The following ZBTB7C variants were observed in gnomAD, a reference collection of about 807,000 sequenced individuals.
The protein encoded by ZBTB7C is zinc finger and BTB domain containing 7C.
Under a neutral mutation model 25.7 loss-of-function variants are expected in ZBTB7C, and 8 were observed. That is an observed-to-expected ratio of 0.31 (90% CI 0.18 to 0.56). The LOEUF is 0.56. Ranked by LOEUF, ZBTB7C falls within the 20% of genes least tolerant of loss-of-function variation. The pLI is 0.91. For missense variants in ZBTB7C, 824 were observed against 855.2 expected (o/e 0.96, Z 0.46); for synonymous variants, 394 against 369.0 (o/e 1.07, Z -0.78).
chr18:48,300,463 C>T (rs60692582), intron 2 of ZBTB7C, among the ~76,000 whole-genome samples: 2,497 of 152,250 alleles, frequency 0.016, 65 homozygotes, highest in African/African-American at 0.056. Context: ...TCCGATTCCA[C>T]CCTCATTTTG....
At chr18:48,327,093 C>T (rs1448181015) in intron 2 of ZBTB7C, among the ~76,000 whole-genome samples, 3 of 152,178 alleles carry the variant, frequency 2.0e-5, no homozygotes, top group Admixed American at 1.3e-4. Flanking sequence ...GGGAACAGAG[C>T]ACAGAGAAAG....
At chr18:48,112,043 A>G (rs1429613339) in intron 3 of ZBTB7C, among the ~76,000 whole-genome samples, 1 of 152,168 alleles carries the variant, frequency 6.6e-6, no homozygotes, top group Non-Finnish European at 1.5e-5. Flanking sequence ...TAAAGTATGA[A>G]ATTGTACATT....
At chr18:48,229,913 T>A (rs2043206973) in intron 2 of ZBTB7C, among the ~76,000 whole-genome samples, 1 of 152,060 alleles carries the variant, frequency 6.6e-6, no homozygotes, top group South Asian at 2.1e-4. Context: ...CCCTGCAGGT[T>A]GTCTGGCAGG....
intron 3 of ZBTB7C, among the ~76,000 whole-genome samples, chr18:48,100,977 GCTC>G (rs760778020): frequency 6.6e-6 from 1 of 152,078 alleles, no homozygotes; most frequent in African/African-American, 2.4e-5. Context: ...GCTGTTCTGG[GCTC>G]CTCGTGCATC....
At chr18:48,336,514 G>C (rs2046460737) in intron 2 of ZBTB7C, among the ~76,000 whole-genome samples, 1 of 152,180 alleles carries the variant, frequency 6.6e-6, no homozygotes, top group Non-Finnish European at 1.5e-5. Flanking sequence ...CCAGAGGCCT[G>C]ACCAGGCTCC....
In ZBTB7C at chr18:48,115,990, G is replaced by A. The variant is rs1389554461; in HGVS notation, c.-17+69944C>T. 2.6e-5 allele frequency among the ~76,000 whole-genome samples: 4 copies of A among 152,052 alleles called. No homozygotes were observed. In the South Asian group the frequency reaches 8.3e-4, roughly 32 times the overall value. On this transcript the variant is annotated intron_variant, in intron 3 of 4. Transcript: ENST00000590800. ...GGTTCTATTTCTTAAACTGAGAGAG[G>A]GGTTCACAGGAGTTTATGTTATTAT... is the stretch of plus-strand genomic sequence containing the variant.
At chr18:48,178,029 A>C (rs2041743071) in intron 3 of ZBTB7C, among the ~76,000 whole-genome samples, 2 of 146,064 alleles carry the variant, frequency 1.4e-5, no homozygotes, top group African/African-American at 5.2e-5. Flanking sequence ...CTCCTTGCCC[A>C]GCCCCTCCCT....
In ZBTB7C at chr18:48,073,519, C is replaced by T. The variant is rs565318388; in HGVS notation, c.-16-32396G>A. On this transcript the variant is annotated intron_variant, in intron 3 of 4. Transcript: ENST00000590800. ...GAAGAGTCCCCGGGGCTGGGACAGG[C>T]GCAGGGGTGCGGGCAGGTACGGACA... 1.8e-3 allele frequency among the ~76,000 whole-genome samples: 278 copies of T among 152,196 alleles called. 1 individual carries two copies. Among genetic ancestry groups the T allele is most frequent in the African/African-American group, 6.2e-3 (257 of 41,532 alleles).
In ZBTB7C at chr18:48,240,172, A is replaced by T. The variant is rs557863477; in HGVS notation, c.-78-54177T>A. Among the ~76,000 whole-genome samples, 413 of 152,158 alleles carry T rather than the reference A, an allele frequency of 2.7e-3. 1 individual carries two copies. The highest frequency in any genetic ancestry group is 9.6e-3 in the African/African-American group (398 of 41,536). On this transcript the variant is annotated intron_variant, in intron 2 of 4. Transcript: ENST00000590800. ...AACCCAATCCAACAAAGAAAAAAAA[A>T]TTTTAAATGAACAAAGCCTCCTAGA...
At chr18:48,186,276 C>T (rs539345177) in intron 2 of ZBTB7C, among the ~76,000 whole-genome samples, 4 of 152,324 alleles carry the variant, frequency 2.6e-5, no homozygotes, top group East Asian at 1.9e-4. Flanking sequence ...TCCCTGAAGG[C>T]GCCCTGGCTT....
At chr18:48,412,330 A>G (rs1209085302), upstream of ZBTB7C, among the ~76,000 whole-genome samples, 2 of 152,230 alleles carry the variant, frequency 1.3e-5, no homozygotes, top group Admixed American at 6.5e-5. Flanking sequence ...GGGAATTAAC[A>G]TTTACAGAGC....
At position 48,063,821 on chromosome 18, in the gene ZBTB7C, A is replaced by G. The variant is rs73447948; in HGVS notation, c.-16-22698T>C. ...GAATGTAAAAGCGTCCATGGTAGAA[A>G]TCATGCCAAATGCCTTTTTTGTATC... On this transcript the variant is annotated intron_variant, in intron 3 of 4. Coordinates refer to ENST00000590800, the MANE Select transcript of ZBTB7C (RefSeq NM_001318841.2). Among the ~76,000 whole-genome samples, 1,096 of 152,228 alleles carry G rather than the reference A, an allele frequency of 7.2e-3. 13 individuals are homozygous for G. Among genetic ancestry groups the G allele is most frequent in the African/African-American group, 0.025 (1,020 of 41,548 alleles).
At chr18:48,055,416 A>C (rs1179838863) in intron 3 of ZBTB7C, among the ~76,000 whole-genome samples, 1 of 150,348 alleles carries the variant, frequency 6.7e-6, no homozygotes, top group African/African-American at 2.4e-5. Context: ...GTCTCAAAAA[A>C]AAAAAAAAAA....
At chr18:48,102,061 A>G (rs2038851240) in intron 3 of ZBTB7C, among the ~76,000 whole-genome samples, 1 of 152,210 alleles carries the variant, frequency 6.6e-6, no homozygotes, top group Admixed American at 6.5e-5. Context: ...CTGCTAAAAA[A>G]AGCTTCTCAC....
intron 1 of ZBTB7C, among the ~76,000 whole-genome samples, chr18:48,380,960 G>C (rs1291525614): frequency 2.0e-5 from 3 of 152,108 alleles, no homozygotes; most frequent in African/African-American, 7.2e-5. Context: ...GAGAGAAAAA[G>C]CAGGACATGT....
intron 3 of ZBTB7C, among the ~76,000 whole-genome samples, chr18:48,054,785 C>T (rs891015288): frequency 5.9e-5 from 9 of 152,154 alleles, no homozygotes; most frequent in Non-Finnish European, 1.3e-4. Context: ...AAAGCCCAAG[C>T]GTTTCCTTTT....
intron 2 of ZBTB7C, among the ~76,000 whole-genome samples, chr18:48,227,481 G>A (rs960388793): frequency 1.3e-5 from 2 of 152,210 alleles, no homozygotes; most frequent in African/African-American, 4.8e-5. Flanking sequence ...AACGGCCTCC[G>A]CCCAACACTG....
chr18:48,317,446 C>T (rs969944446), intron 2 of ZBTB7C, among the ~76,000 whole-genome samples: 8 of 152,024 alleles, frequency 5.3e-5, no homozygotes, highest in Non-Finnish European at 1.2e-4. Flanking sequence ...CTGTTTTGAC[C>T]CAGCTCCCTA....
At chr18:48,254,074 TAAG>T (rs1460990596) in intron 2 of ZBTB7C, among the ~76,000 whole-genome samples, 6 of 152,356 alleles carry the variant, frequency 3.9e-5, no homozygotes, top group African/African-American at 1.4e-4. Context: ...ATATAGGAGT[TAAG>T]AAGAAATTAC....
Sources: gnomAD v4.1 joint callset for allele counts (sites outside exome capture counted in the v4.1 genomes callset) on GRCh38, gnomAD v4.1.1 for gene constraint, MANE v1.5 for transcripts, NCBI Gene and HGNC (gene_info 2026-07-23, HGNC 2026-07-21) for gene names.